BIRC6: variants seen among roughly 807,000 people sequenced by gnomAD.
The protein encoded by BIRC6 is dual E2 ubiquitin-conjugating enzyme/E3 ubiquitin-protein ligase BIRC6.
BIRC6 carries 98 observed loss-of-function variants against 503.3 expected under a neutral mutation model. The ratio of observed to expected loss-of-function variants is 0.19; its 90% CI spans 0.17 to 0.23. The LOEUF is 0.23. BIRC6 is among the 10% of genes least tolerant of loss of function. The pLI, the probability that BIRC6 is intolerant of heterozygous loss-of-function variation, is 1.00. For missense variants in BIRC6, 5,360 were observed against 5,806.0 expected (o/e 0.92, Z 2.50); for synonymous variants, 2,240 against 2,078.7 (o/e 1.08, Z -2.11).
chr2:32,512,266 A>G (rs1351559662), intron 53 of BIRC6, among the ~76,000 whole-genome samples: 1 of 152,170 alleles, frequency 6.6e-6, no homozygotes, highest in Non-Finnish European at 1.5e-5. Flanking sequence ...ATATTCTGAA[A>G]TAGAAATTGA....
At chr2:32,496,875 C>G (rs540165757) in intron 45 of BIRC6, among the ~76,000 whole-genome samples, 78 of 152,288 alleles carry the variant, frequency 5.1e-4, no homozygotes, top group African/African-American at 1.8e-3. Flanking sequence ...TCCCCTCCCC[C>G]CATCCAGTTG....
chr2:32,359,945 A>C (rs1343717607), intron 1 of BIRC6, among the ~76,000 whole-genome samples: 1 of 152,086 alleles, frequency 6.6e-6, no homozygotes, highest in East Asian at 1.9e-4. Context: ...TTGAGGAGGG[A>C]ATGCTGCATT....
chr2:32,414,444 A>C (rs1225934274), intron 9 of BIRC6, among the ~76,000 whole-genome samples: 2 of 152,096 alleles, frequency 1.3e-5, no homozygotes, highest in African/African-American at 4.8e-5. Context: ...AGGTGGGTGG[A>C]TCACCTGAGG....
intron 3 of BIRC6, among the ~76,000 whole-genome samples, chr2:32,384,547 G>A (rs1420726245): frequency 6.6e-6 from 1 of 152,068 alleles, no homozygotes; most frequent in Non-Finnish European, 1.5e-5. Context: ...TTATGTTGAA[G>A]ACAAATTGCT....
At chr2:32,590,101 G>A (rs994905303) in intron 66 of BIRC6, among the ~76,000 whole-genome samples, 2 of 152,154 alleles carry the variant, frequency 1.3e-5, no homozygotes, top group East Asian at 1.9e-4. Flanking sequence ...GTTTACTGGT[G>A]CATTTCAAGA....
intron 1 of BIRC6, among the ~76,000 whole-genome samples, chr2:32,370,241 C>A (rs1225348205): frequency 3.3e-5 from 5 of 151,670 alleles, no homozygotes; most frequent in Non-Finnish European, 5.9e-5. Context: ...GAGATTGAGC[C>A]CTCTCCATGA....
chr2:32,499,960 C>T lies in BIRC6; in HGVS notation c.8882C>T (p.Ser2961Leu). The change falls in exon 46 of 74, where the codon TCA (serine) becomes TTA (leucine). Residue 2961 changes from serine (S) to leucine (L), a missense_variant. Around this residue, in one of 16 missense-constraint regions of BIRC6, gnomAD observed 2,299 missense variants for 2,267.2 expected, o/e 1.01. Transcript: ENST00000421745. ...AGTGTTTCAGATGAAGAAAAAGTCT[C>T]AGGAGGCAAAGATGGCAATGGAAGC... is the stretch of plus-strand genomic sequence containing the variant. ...TDSVSDEEKV[S>L]GGKDGNGSST... is the part of the protein sequence containing the mutation. 1.9e-6 allele frequency: 3 copies of T among 1,613,994 alleles called. No individual in the cohort carries two copies. The highest frequency in any genetic ancestry group is 1.6e-4 in the Middle Eastern group (1 of 6,062).
chr2:32,442,297 G>A (rs529049829), intron 18 of BIRC6, 27 bp from the exon 19 acceptor site: 1 of 1,612,456 alleles, frequency 6.2e-7, no homozygotes, highest in Non-Finnish European at 8.5e-7. Flanking sequence ...TTCAGGATGA[G>A]TCTAAATGTC....
At chr2:32,579,993 G>A (rs1003372023) in intron 66 of BIRC6, among the ~76,000 whole-genome samples, 21 of 144,840 alleles carry the variant, frequency 1.4e-4, no homozygotes, top group African/African-American at 2.6e-4. Context: ...TCGCTCTCTC[G>A]GCCAGGCTGG....
intron 19 of BIRC6, 182 bp from the exon 20 acceptor site, chr2:32,443,309 C>T: frequency 1.9e-6 from 1 of 520,676 alleles, no homozygotes; most frequent in South Asian, 3.0e-5. Context: ...AAAATATTTA[C>T]AACCCTCCTT....
At position 32,512,926 on chromosome 2, in the gene BIRC6, G is replaced by A. The variant is rs768916053; in HGVS notation, c.10347-7G>A. 3.2e-5 allele frequency: 52 copies of A among 1,613,228 alleles called. No homozygotes were observed. Among genetic ancestry groups the A allele is most frequent in the Middle Eastern group, 1.7e-4 (1 of 6,058 alleles). On this transcript the variant is annotated splice_region_variant and splice_polypyrimidine_tract_variant and intron_variant, in intron 53 of 73. Transcript: ENST00000421745. ...TTGGTTATATGAATTCGTTTTCTTC[G>A]TTTAAGAATTCAGGCCTTGTTAAAA...
At position 32,357,559 on chromosome 2, in the gene BIRC6, G is replaced by T; in HGVS notation, c.325+73G>T. The T allele has an allele frequency of 6.7e-7, 1 of 1,503,686 alleles. No homozygotes were observed. Among genetic ancestry groups the T allele is most frequent in the Admixed American group, 2.4e-5 (1 of 42,326 alleles). 93.1% of individuals were successfully genotyped at this position (1,503,686 alleles called of 1,614,324 possible). ...GTCCAGCCCCGGGGCTCGGCCTCGC[G>T]ACTCGGGGAAGCGAGATGGCGAGAG... On this transcript the variant is annotated intron_variant, in intron 1 of 73. Coordinates refer to ENST00000421745, the MANE Select transcript of BIRC6 (RefSeq NM_016252.4). This position sits in a 1 kb window ranked among gnomAD's most constrained non-coding sequence, Gnocchi z 4.9.
intron 40 of BIRC6, 49 bp from the exon 41 acceptor site, chr2:32,487,598 C>A: frequency 6.5e-7 from 1 of 1,544,386 alleles, no homozygotes; most frequent in Non-Finnish European, 8.9e-7. Flanking sequence ...CCAGTTAACA[C>A]ATATCCTGAT....
chr2:32,414,642 G>C (rs940704884), intron 9 of BIRC6, 127 bp from the exon 10 acceptor site: 2 of 743,974 alleles, frequency 2.7e-6, no homozygotes, highest in Non-Finnish European at 3.9e-6. Context: ...ACTCTAGCCT[G>C]TGTGACAGAG....
At chr2:32,616,225 A>G (rs2063227671) in intron 73 of BIRC6, among the ~76,000 whole-genome samples, 5 of 152,026 alleles carry the variant, frequency 3.3e-5, no homozygotes, top group East Asian at 3.9e-4. Flanking sequence ...TTTTAACTTA[A>G]TTTTTTAAAA....
chr2:32,494,599 C>T (rs890547929), intron 45 of BIRC6, among the ~76,000 whole-genome samples: 11 of 151,656 alleles, frequency 7.3e-5, no homozygotes, highest in Admixed American at 5.3e-4. Context: ...TCAAAAAAAT[C>T]CCCATTAATA....
intron 66 of BIRC6, among the ~76,000 whole-genome samples, chr2:32,580,985 C>G (rs62136344): frequency 0.076 from 11,516 of 152,224 alleles, 636 homozygotes; most frequent in Non-Finnish European, 0.1. Context: ...GGGAACATGG[C>G]TTCCTTTGTT....
Position 32,484,542 on chromosome 2 carries a change from C to A in BIRC6, c.7697-1101C>A, listed in dbSNP as rs1334701176. Among the ~76,000 whole-genome samples the A allele has an allele frequency of 7.1e-5, 10 of 140,994 alleles. No homozygotes were observed. The South Asian group carries it at 2.2e-3, about 32-fold the overall frequency. 92.5% of individuals were successfully genotyped at this position (140,994 alleles called of 152,430 possible). A position where few individuals can be genotyped will look rare whatever the true frequency, so the allele number is the denominator to read the frequency against. On this transcript the variant is annotated intron_variant, in intron 39 of 73. Transcript: ENST00000421745. ...GTCCAGCCTGGACGATAGAGCAAAA[C>A]TCCAACTCAAAAAAAAAAAAAAAAG...
chr2:32,408,300 G>A (rs949105532), intron 9 of BIRC6, among the ~76,000 whole-genome samples: 1 of 151,684 alleles, frequency 6.6e-6, no homozygotes, highest in Non-Finnish European at 1.5e-5. Context: ...TTTTTGAGAC[G>A]GAGTGTCCCT....
Sources: gnomAD v4.1 joint callset for allele counts (sites outside exome capture counted in the v4.1 genomes callset) on GRCh38, gnomAD v4.1.1 for gene constraint, gnomAD v4.1.1 regional missense constraint, Gnocchi (gnomAD v3.1) non-coding constraint, MANE v1.5 for transcripts, NCBI Gene and HGNC (gene_info 2026-07-23, HGNC 2026-07-21) for gene names.